CYRIB: variants seen among roughly 807,000 people sequenced by gnomAD.
The protein encoded by CYRIB is CYFIP-related Rac1 interactor B.
In CYRIB, 8 loss-of-function variants were observed where a neutral mutation model predicts 44.2. That is an observed-to-expected ratio of 0.18 (90% CI 0.11 to 0.33). The LOEUF (loss-of-function observed/expected upper bound fraction) is 0.33, where lower values mean the gene tolerates loss of function less well. Among genes scored for constraint, CYRIB ranks in the 10% least tolerant of loss-of-function variants. The pLI is 1.00. For synonymous variants in CYRIB, 131 were observed against 127.2 expected (o/e 1.03, Z -0.20); for missense variants, 185 against 382.8 (o/e 0.48, Z 4.31).
At chr8:130,014,675 T>C (rs766003288) in intron 1 of CYRIB, among the ~76,000 whole-genome samples, 67 of 152,180 alleles carry the variant, frequency 4.4e-4, no homozygotes, top group Non-Finnish European at 8.4e-4. Context: ...CAGAAACATA[T>C]ATTGGCCTTT....
chr8:129,984,569 C>CCACTGGTA (rs2096378445), intron 1 of CYRIB, among the ~76,000 whole-genome samples: 1 of 152,096 alleles, frequency 6.6e-6, no homozygotes, highest in South Asian at 2.1e-4. Context: ...TCCCTGTACC[C>CCACTGGTA]CAGGATGCGG....
At chr8:129,917,708 T>A (rs941547205) in intron 1 of CYRIB, among the ~76,000 whole-genome samples, 2 of 151,844 alleles carry the variant, frequency 1.3e-5, no homozygotes, top group Non-Finnish European at 2.9e-5. Flanking sequence ...AATACAAAAA[T>A]TCGCCGGGCA....
chr8:129,997,690 G>A (rs1421576370), intron 1 of CYRIB, among the ~76,000 whole-genome samples: 3 of 152,128 alleles, frequency 2.0e-5, no homozygotes, highest in Admixed American at 2.0e-4. Flanking sequence ...AGCTAATGTG[G>A]GTTCCCCTCC....
At chr8:129,941,037 AGCCTTT>A (rs1046665398), upstream of CYRIB, among the ~76,000 whole-genome samples, 2 of 152,166 alleles carry the variant, frequency 1.3e-5, no homozygotes, top group African/African-American at 4.8e-5. Flanking sequence ...CCCTTACCTT[AGCCTTT>A]TTGTCTTCCT....
intron 1 of CYRIB, among the ~76,000 whole-genome samples, chr8:130,011,115 C>T (rs1034404107): frequency 7.2e-5 from 11 of 152,028 alleles, no homozygotes; most frequent in African/African-American, 2.7e-4. Flanking sequence ...TCTAGAAGCC[C>T]GCCACTGACT....
intron 2 of CYRIB, among the ~76,000 whole-genome samples, chr8:129,888,304 T>A (rs1024092955): frequency 1.3e-5 from 2 of 152,170 alleles, no homozygotes; most frequent in Admixed American, 1.3e-4. Context: ...TCCTGAGACC[T>A]TCCCAGCCAT....
intron 1 of CYRIB, among the ~76,000 whole-genome samples, chr8:129,924,784 A>C (rs150405154): frequency 1.4e-3 from 220 of 151,920 alleles, no homozygotes; most frequent in African/African-American, 4.8e-3. Flanking sequence ...TGGGCAACAT[A>C]GGGAGAACCC....
At chr8:129,999,869 TC>T (rs1294208055) in intron 1 of CYRIB, among the ~76,000 whole-genome samples, 1 of 152,158 alleles carries the variant, frequency 6.6e-6, no homozygotes, top group Non-Finnish European at 1.5e-5. Context: ...GCTCAAGCGA[TC>T]CTCCCGCCTC....
chr8:129,988,703 C>G (rs2096546183), intron 1 of CYRIB, among the ~76,000 whole-genome samples: 2 of 152,178 alleles, frequency 1.3e-5, no homozygotes, highest in South Asian at 4.1e-4. Context: ...ATCCCCCAAG[C>G]TGTCTAACAC....
Position 129,954,377 on chromosome 8 carries a change from A to C in CYRIB, c.-243+16566T>G, listed in dbSNP as rs955386064. ...AGCTGGGATTACAGGTGCTGGCCACAATGCCCGGCTGATTTTTGTATTTTT... is the reference window on the plus strand; with the variant it reads ...AGCTGGGATTACAGGTGCTGGCCACCATGCCCGGCTGATTTTTGTATTTTT... On this transcript the variant is annotated intron_variant, in intron 2 of 14. Transcript: ENST00000401979. Among the ~76,000 whole-genome samples, 11 of 152,050 alleles carry C rather than the reference A, an allele frequency of 7.2e-5. No individual in the cohort carries two copies. In the East Asian group the frequency reaches 9.7e-4, roughly 13 times the overall value.
chr8:129,924,471 A>T (rs970318075), intron 1 of CYRIB, among the ~76,000 whole-genome samples: 3 of 152,048 alleles, frequency 2.0e-5, no homozygotes, highest in African/African-American at 7.2e-5. Flanking sequence ...CATTCTCATT[A>T]ATTTTTTTAT....
chr8:129,871,161 TTTC>T (rs764017148), intron 4 of CYRIB, among the ~76,000 whole-genome samples: 1 of 152,208 alleles, frequency 6.6e-6, no homozygotes, highest in Non-Finnish European at 1.5e-5. Flanking sequence ...TAAATAACAT[TTTC>T]TTAATTTACA....
chr8:129,884,168 C>T (rs2061826367), intron 2 of CYRIB, among the ~76,000 whole-genome samples: 2 of 152,142 alleles, frequency 1.3e-5, no homozygotes, highest in South Asian at 2.1e-4. Flanking sequence ...TTAAGATACC[C>T]TAGTTTTTTT....
intron 1 of CYRIB, among the ~76,000 whole-genome samples, chr8:129,979,727 C>T (rs2096126757): frequency 6.6e-6 from 1 of 152,184 alleles, no homozygotes; most frequent in East Asian, 1.9e-4. Flanking sequence ...ACCAGCCTGG[C>T]CAACATGGTG....
At chr8:129,993,074 T>C (rs2096676478) in intron 1 of CYRIB, among the ~76,000 whole-genome samples, 4 of 152,130 alleles carry the variant, frequency 2.6e-5, no homozygotes, top group Admixed American at 2.6e-4. Flanking sequence ...CACCCTCTCA[T>C]TCATCTTGTT....
At chr8:129,912,367 A>G (rs2078467331) in intron 1 of CYRIB, 1 of 151,696 alleles carries the variant, frequency 6.6e-6, no homozygotes, top group Admixed American at 6.6e-5. Context: ...CACCTGCTTC[A>G]CCACTCCCCC....
At chr8:129,987,817 C>G (rs2096519144) in intron 1 of CYRIB, among the ~76,000 whole-genome samples, 1 of 152,166 alleles carries the variant, frequency 6.6e-6, no homozygotes, top group African/African-American at 2.4e-5. Context: ...AGTGATCCAC[C>G]TGCCTCGGCT....
chr8:129,935,668 A>C (rs2092676214), intron 1 of CYRIB, among the ~76,000 whole-genome samples: 1 of 152,196 alleles, frequency 6.6e-6, no homozygotes, highest in Non-Finnish European at 1.5e-5. Context: ...ATAATGCATC[A>C]ACTAAAATAT....
At chr8:129,943,391 G>A (rs931700976), upstream of CYRIB, among the ~76,000 whole-genome samples, 3 of 151,160 alleles carry the variant, frequency 2.0e-5, no homozygotes, top group African/African-American at 4.9e-5. Flanking sequence ...GTTCGAGATG[G>A]CCTAACTAAC....
Sources: allele counts gnomAD v4.1 joint callset (sites outside exome capture counted in the v4.1 genomes callset), GRCh38; gene constraint gnomAD v4.1.1; transcripts MANE v1.5; gene names NCBI Gene and HGNC (gene_info 2026-07-23, HGNC 2026-07-21).